KCND2: variants seen among roughly 807,000 people sequenced by gnomAD.
The protein encoded by KCND2 is potassium voltage-gated channel subfamily D member 2.
KCND2 carries 16 observed loss-of-function variants against 54.4 expected under a neutral mutation model. That is an observed-to-expected ratio of 0.29 (90% CI 0.20 to 0.45). The LOEUF (loss-of-function observed/expected upper bound fraction) is 0.45, where lower values mean the gene tolerates loss of function less well. KCND2 is among the 20% of genes least tolerant of loss of function. The pLI is 1.00. For missense variants in KCND2, 486 were observed against 824.2 expected (o/e 0.59, Z 5.02); for synonymous variants, 317 against 310.7 (o/e 1.02, Z -0.21).
chr7:120,491,247 T>C (rs1351083232), intron 1 of KCND2, among the ~76,000 whole-genome samples: 3 of 152,134 alleles, frequency 2.0e-5, no homozygotes, highest in Non-Finnish European at 2.9e-5. Flanking sequence ...AAGAAAACTG[T>C]CTTGCTGGGT....
At chr7:120,484,009 A>G (rs139185110) in intron 1 of KCND2, among the ~76,000 whole-genome samples, 57 of 152,290 alleles carry the variant, frequency 3.7e-4, no homozygotes, top group African/African-American at 1.3e-3. Context: ...AAGCTTGTCA[A>G]AGAAAGACTG....
chr7:120,666,798 TA>T (rs1791932746), intron 1 of KCND2, among the ~76,000 whole-genome samples: 1 of 152,012 alleles, frequency 6.6e-6, no homozygotes, highest in South Asian at 2.1e-4. Flanking sequence ...GCCACTCATA[TA>T]TCTTCTCTAA....
At chr7:120,371,292 A>G (rs1277379520) in intron 1 of KCND2, among the ~76,000 whole-genome samples, 1 of 152,014 alleles carries the variant, frequency 6.6e-6, no homozygotes, top group African/African-American at 2.4e-5. Flanking sequence ...ATTCTGATCT[A>G]CCACAGGGGC....
chr7:120,693,640 C>T (rs2116606392), intron 1 of KCND2, among the ~76,000 whole-genome samples: 1 of 152,218 alleles, frequency 6.6e-6, no homozygotes, highest in East Asian at 1.9e-4. Flanking sequence ...TATTGCAGAT[C>T]TAGCTCTGTA....
chr7:120,463,968 A>G (rs781388364), intron 1 of KCND2: 1 of 698,344 alleles, frequency 1.4e-6, no homozygotes, highest in Non-Finnish European at 1.8e-6. Context: ...GATGAATAGT[A>G]GAATACCCTG....
chr7:120,740,198 T>C (rs1000063029), intron 2 of KCND2, among the ~76,000 whole-genome samples: 8 of 152,102 alleles, frequency 5.3e-5, no homozygotes, highest in Non-Finnish European at 8.8e-5. Context: ...TCTCTAGAAA[T>C]ATTACCAGTG....
chr7:120,287,635 T>G (rs915661628), intron 1 of KCND2, among the ~76,000 whole-genome samples: 6 of 152,180 alleles, frequency 3.9e-5, no homozygotes, highest in Non-Finnish European at 7.4e-5. Context: ...GGTGGATCAC[T>G]TGAGATCAGG....
chr7:120,727,948 A>G (rs1315852870), intron 1 of KCND2, among the ~76,000 whole-genome samples: 2 of 151,948 alleles, frequency 1.3e-5, no homozygotes, highest in Admixed American at 1.3e-4. Flanking sequence ...ATCCTGGCCA[A>G]CATGGTGAAA....
At chr7:120,411,271 C>G (rs1801445690) in intron 1 of KCND2, among the ~76,000 whole-genome samples, 1 of 151,626 alleles carries the variant, frequency 6.6e-6, no homozygotes, top group South Asian at 2.1e-4. Flanking sequence ...CCTTAAAGAT[C>G]ATTTATATAG....
chr7:120,542,062 G>A (rs1423790548), intron 1 of KCND2, among the ~76,000 whole-genome samples: 1 of 152,116 alleles, frequency 6.6e-6, no homozygotes, highest in Admixed American at 6.6e-5. Context: ...CATGGGTCAA[G>A]TATTTGCTTA....
chr7:120,539,225 A>G (rs1284813313), intron 1 of KCND2, among the ~76,000 whole-genome samples: 1 of 152,192 alleles, frequency 6.6e-6, no homozygotes, highest in Non-Finnish European at 1.5e-5. Flanking sequence ...TTTCTCATGA[A>G]CAATTAAATC....
chr7:120,283,594 A>G (rs1799297623), intron 1 of KCND2, among the ~76,000 whole-genome samples: 1 of 152,148 alleles, frequency 6.6e-6, no homozygotes, highest in Non-Finnish European at 1.5e-5. Flanking sequence ...AACTAGTTCA[A>G]ATGAAAACTG....
At chr7:120,320,208 A>G (rs1204602494) in intron 1 of KCND2, among the ~76,000 whole-genome samples, 1 of 152,086 alleles carries the variant, frequency 6.6e-6, no homozygotes, top group African/African-American at 2.4e-5. Context: ...ATATAGTAAT[A>G]TAAGTATAAT....
At chr7:120,290,843 G>A (rs1345400263) in intron 1 of KCND2, among the ~76,000 whole-genome samples, 1 of 151,782 alleles carries the variant, frequency 6.6e-6, no homozygotes, top group Admixed American at 6.6e-5. Flanking sequence ...ACCAGTAATG[G>A]GTGCCATGAC....
intron 1 of KCND2, among the ~76,000 whole-genome samples, chr7:120,621,438 G>C (rs534005669): frequency 2.6e-5 from 4 of 151,918 alleles, no homozygotes; most frequent in Non-Finnish European, 4.4e-5. Context: ...TGCCCATGGT[G>C]ATATATCTCC....
At chr7:120,281,633 A>G (rs1349388554) in intron 1 of KCND2, among the ~76,000 whole-genome samples, 4 of 152,088 alleles carry the variant, frequency 2.6e-5, no homozygotes, top group Non-Finnish European at 2.9e-5. Context: ...TTTATATATA[A>G]TTTATGGTTT....
At chr7:120,280,994 C>A (rs1799252089) in intron 1 of KCND2, among the ~76,000 whole-genome samples, 1 of 152,068 alleles carries the variant, frequency 6.6e-6, no homozygotes, top group Non-Finnish European at 1.5e-5. Flanking sequence ...CATAATGGTG[C>A]CCATCTGATA....
At chr7:120,577,448 C>G (rs1359430761) in intron 1 of KCND2, among the ~76,000 whole-genome samples, 1 of 152,138 alleles carries the variant, frequency 6.6e-6, no homozygotes, top group Non-Finnish European at 1.5e-5. Context: ...AAGGGACTTT[C>G]TCATACCTCC....
At chr7:120,291,282 A>G (rs1355316569) in intron 1 of KCND2, among the ~76,000 whole-genome samples, 1 of 152,044 alleles carries the variant, frequency 6.6e-6, no homozygotes, top group East Asian at 1.9e-4. Context: ...CTTAGATGGT[A>G]TTTGAACTTT....
Sources: allele counts gnomAD v4.1 joint callset (sites outside exome capture counted in the v4.1 genomes callset), GRCh38; gene constraint gnomAD v4.1.1; transcripts MANE v1.5; gene names NCBI Gene and HGNC (gene_info 2026-07-23, HGNC 2026-07-21).